The following PLXDC2 variants were observed in gnomAD, a reference collection of about 807,000 sequenced individuals.
The protein encoded by PLXDC2 is plexin domain-containing protein 2.
In PLXDC2, 40 loss-of-function variants were observed where a neutral mutation model predicts 68.9. The ratio of observed to expected loss-of-function variants is 0.58; its 90% CI spans 0.45 to 0.76. The LOEUF (loss-of-function observed/expected upper bound fraction) is 0.76, where lower values mean the gene tolerates loss of function less well. Ranked by LOEUF, PLXDC2 falls within the 30% of genes least tolerant of loss-of-function variation. PLXDC2 has a pLI of 0.00. For missense variants in PLXDC2, 644 were observed against 661.9 expected (o/e 0.97, Z 0.30); for synonymous variants, 243 against 234.2 (o/e 1.04, Z -0.34).
intron 1 of PLXDC2, among the ~76,000 whole-genome samples, chr10:19,875,016 A>C (rs1252217261): frequency 6.6e-6 from 1 of 152,210 alleles, no homozygotes. Context: ...TGATTCATCG[A>C]AATGACTTCT....
chr10:19,857,774 T>G (rs1837242851), intron 1 of PLXDC2, among the ~76,000 whole-genome samples: 1 of 152,154 alleles, frequency 6.6e-6, no homozygotes, highest in African/African-American at 2.4e-5. Context: ...TTCTGAAGTA[T>G]TATTTGTGGG....
intron 1 of PLXDC2, among the ~76,000 whole-genome samples, chr10:19,897,311 C>G (rs1462721129): frequency 6.6e-6 from 1 of 151,622 alleles, no homozygotes; most frequent in African/African-American, 2.4e-5. Flanking sequence ...ACGATCTCGG[C>G]TCACCGCAAC....
intron 1 of PLXDC2, among the ~76,000 whole-genome samples, chr10:19,845,156 C>G (rs1258233884): frequency 6.6e-6 from 1 of 152,116 alleles, no homozygotes; most frequent in Non-Finnish European, 1.5e-5. Context: ...TCTCCACGTT[C>G]CCTGTCTATA....
chr10:20,195,623 C>G (rs1487808650), intron 9 of PLXDC2, among the ~76,000 whole-genome samples: 1 of 152,074 alleles, frequency 6.6e-6, no homozygotes, highest in Non-Finnish European at 1.5e-5. Flanking sequence ...ATCCATCTCT[C>G]TGTAATTCTC....
At chr10:20,152,265 T>G (rs1005230406) in intron 6 of PLXDC2, among the ~76,000 whole-genome samples, 4 of 152,150 alleles carry the variant, frequency 2.6e-5, no homozygotes, top group African/African-American at 9.6e-5. Context: ...CAACTGCTGC[T>G]TAAAATAAGA....
chr10:20,017,859 A>C (rs1835239307), intron 2 of PLXDC2, among the ~76,000 whole-genome samples: 1 of 152,252 alleles, frequency 6.6e-6, no homozygotes, highest in African/African-American at 2.4e-5. Context: ...GGAGAAAGAC[A>C]GAAGACCACA....
chr10:19,888,074 G>A (rs1309937589), intron 1 of PLXDC2, among the ~76,000 whole-genome samples: 1 of 152,238 alleles, frequency 6.6e-6, no homozygotes, highest in African/African-American at 2.4e-5. Flanking sequence ...GTGTTCAGCT[G>A]TGAGAAATTG....
chr10:19,837,686 A>T (rs1479462573), intron 1 of PLXDC2, among the ~76,000 whole-genome samples: 1 of 152,220 alleles, frequency 6.6e-6, no homozygotes, highest in Non-Finnish European at 1.5e-5. Flanking sequence ...TTTATAAGAC[A>T]TGCAGAAATG....
chr10:19,847,776 A>G (rs1837037092), intron 1 of PLXDC2, among the ~76,000 whole-genome samples: 2 of 152,204 alleles, frequency 1.3e-5, no homozygotes, highest in Non-Finnish European at 2.9e-5. Flanking sequence ...TGTTCTTGTA[A>G]CACCACTATC....
At chr10:19,994,362 C>T (rs1241288821) in intron 1 of PLXDC2, among the ~76,000 whole-genome samples, 2 of 109,522 alleles carry the variant, frequency 1.8e-5, no homozygotes, top group Non-Finnish European at 3.7e-5. Flanking sequence ...TTGCTGTCAC[C>T]CAGGCTGGAA....
At chr10:20,266,428 G>A (rs1835873458) in intron 13 of PLXDC2, among the ~76,000 whole-genome samples, 1 of 150,064 alleles carries the variant, frequency 6.7e-6, no homozygotes, top group African/African-American at 2.4e-5. Flanking sequence ...GAAAATTACA[G>A]CAGTACCCAA....
At chr10:20,206,248 C>T (rs528473363) in intron 9 of PLXDC2, among the ~76,000 whole-genome samples, 2 of 152,172 alleles carry the variant, frequency 1.3e-5, no homozygotes, top group East Asian at 3.9e-4. Flanking sequence ...AATACTAACT[C>T]AAACAATTGG....
intron 1 of PLXDC2, among the ~76,000 whole-genome samples, chr10:19,938,492 C>G (rs1409340): frequency 0.15 from 22,867 of 151,958 alleles, 2,288 homozygotes; most frequent in African/African-American, 0.27. Flanking sequence ...ACGGCAGGAG[C>G]AGGACTGAGA....
chr10:20,255,808 T>G (rs950862566), intron 13 of PLXDC2, among the ~76,000 whole-genome samples: 1 of 152,092 alleles, frequency 6.6e-6, no homozygotes, highest in Non-Finnish European at 1.5e-5. Flanking sequence ...TTTGTTATTT[T>G]ATTAGAAGTG....
At chr10:20,246,956 A>C (rs1275497719) in intron 13 of PLXDC2, among the ~76,000 whole-genome samples, 4 of 152,168 alleles carry the variant, frequency 2.6e-5, no homozygotes, top group Admixed American at 2.6e-4. Context: ...TTGATAGCTC[A>C]CAACTGTCTG....
At chr10:20,188,664 ATAT>A (rs1441176408) in intron 9 of PLXDC2, among the ~76,000 whole-genome samples, 1 of 151,778 alleles carries the variant, frequency 6.6e-6, no homozygotes, top group African/African-American at 2.4e-5. Context: ...GAACTGAGAA[ATAT>A]TATAGAAAAA....
chr10:19,870,845 C>T (rs1043293734), intron 1 of PLXDC2, among the ~76,000 whole-genome samples: 3 of 152,224 alleles, frequency 2.0e-5, no homozygotes, highest in African/African-American at 7.2e-5. Flanking sequence ...TTAATTACTG[C>T]TTGCTGTGCA....
intron 6 of PLXDC2, among the ~76,000 whole-genome samples, chr10:20,148,603 A>G (rs540098207): frequency 2.0e-5 from 3 of 152,316 alleles, no homozygotes; most frequent in African/African-American, 7.2e-5. Context: ...AAAGTAAGTA[A>G]GGCCTGTTGG....
intron 2 of PLXDC2, among the ~76,000 whole-genome samples, chr10:20,010,352 C>T (rs1835091500): frequency 6.6e-6 from 1 of 152,116 alleles, no homozygotes; most frequent in African/African-American, 2.4e-5. Context: ...TTGATGAGGG[C>T]TTTACTTTGC....
Sources: gnomAD v4.1 joint callset for allele counts (sites outside exome capture counted in the v4.1 genomes callset) on GRCh38, gnomAD v4.1.1 for gene constraint, MANE v1.5 for transcripts, NCBI Gene and HGNC (gene_info 2026-07-23, HGNC 2026-07-21) for gene names.